The following GAS2 variants were observed in gnomAD, a reference collection of about 807,000 sequenced individuals.
GAS2 encodes the protein growth arrest-specific protein 2.
Under a neutral mutation model 37.5 loss-of-function variants are expected in GAS2, and 20 were observed. The observed-to-expected ratio is 0.53, with a 90% CI of 0.37 to 0.77. The LOEUF is 0.77. GAS2 is among the 30% of genes least tolerant of loss of function. The probability of loss-of-function intolerance (pLI) is 0.00; values close to 1 mark genes in which losing one functional copy is unlikely to be tolerated. For synonymous variants in GAS2, 144 were observed against 132.2 expected, an observed-to-expected ratio of 1.09 and a Z score of -0.61; for missense variants, 336 against 373.4, an observed-to-expected ratio of 0.90 and a Z score of 0.82.
At chr11:22,642,531 A>G (rs149465432) in intron 1 of GAS2, among the ~76,000 whole-genome samples, 1 of 152,034 alleles carries the variant, frequency 6.6e-6, no homozygotes, top group Non-Finnish European at 1.5e-5. Flanking sequence ...CATTCCTCAC[A>G]CTCTTTAAGG....
At chr11:22,692,881 A>G (rs867974797) in intron 3 of GAS2, among the ~76,000 whole-genome samples, 1 of 152,156 alleles carries the variant, frequency 6.6e-6, no homozygotes, top group Non-Finnish European at 1.5e-5. Context: ...TTCAGTCTCC[A>G]TCAGACAACA....
At chr11:22,712,551 C>T (rs555905287) in intron 3 of GAS2, among the ~76,000 whole-genome samples, 1 of 152,272 alleles carries the variant, frequency 6.6e-6, no homozygotes, top group South Asian at 2.1e-4. Flanking sequence ...ATCTGAACAG[C>T]AGCGCTTGAG....
chr11:22,745,118 C>CAAAAAAA (rs142582542), intron 5 of GAS2, among the ~76,000 whole-genome samples: 9 of 128,876 alleles, frequency 7.0e-5, no homozygotes, highest in East Asian at 2.2e-4. Flanking sequence ...CATTTGGAAC[C>CAAAAAAA]AAAAAAAAAA....
chr11:22,702,183 T>A (rs1850876334), intron 3 of GAS2: 1 of 152,220 alleles, frequency 6.6e-6, no homozygotes, highest in African/African-American at 2.4e-5. Flanking sequence ...CATTATCATT[T>A]TCTTTGCTCT....
At chr11:22,790,088 C>A (rs999527419) in intron 7 of GAS2, among the ~76,000 whole-genome samples, 6 of 152,160 alleles carry the variant, frequency 3.9e-5, no homozygotes, top group Non-Finnish European at 5.9e-5. Context: ...ACCTACCTAA[C>A]ACATGTTACA....
chr11:22,775,813 T>C (rs1417122590), intron 7 of GAS2, among the ~76,000 whole-genome samples: 13 of 152,208 alleles, frequency 8.5e-5, no homozygotes. Context: ...ATTCAGATTC[T>C]CAGTTCCAGG....
At chr11:22,794,981 C>T (rs955445802) in intron 7 of GAS2, among the ~76,000 whole-genome samples, 1 of 152,052 alleles carries the variant, frequency 6.6e-6, no homozygotes, top group African/African-American at 2.4e-5. Context: ...ATTCATTCAT[C>T]CAACATATAT....
At chr11:22,768,962 A>T (rs72973103) in intron 7 of GAS2, among the ~76,000 whole-genome samples, 3,818 of 152,340 alleles carry the variant, frequency 0.025, 82 homozygotes, top group Non-Finnish European at 0.039. Context: ...TCTACCAATG[A>T]TAACATTCAT....
At position 22,812,402 on chromosome 11, in the gene GAS2, AT is replaced by A; in HGVS notation, c.*391del. ...ACTCATGAGTAAAAGCACTCCAGAC[AT>A]TTTTATAATTGCAAGATTTTTATGC... On this transcript the variant is annotated 3_prime_UTR_variant, in exon 8 of 8. Transcript: ENST00000454584. 6.7e-6 allele frequency: 1 copy of A among 148,800 alleles called. No homozygotes were observed. The highest frequency in any genetic ancestry group is 2.0e-4 in the East Asian group (1 of 5,064). 9.2% of individuals were successfully genotyped at this position (148,800 alleles called of 1,614,324 possible).
chr11:22,787,815 T>C (rs1453604991), intron 7 of GAS2, among the ~76,000 whole-genome samples: 1 of 152,192 alleles, frequency 6.6e-6, no homozygotes, highest in Non-Finnish European at 1.5e-5. Flanking sequence ...TTTCTTTCAA[T>C]GTCAGGTATT....
intron 1 of GAS2, among the ~76,000 whole-genome samples, chr11:22,633,689 T>A (rs1239223493): frequency 1.3e-5 from 2 of 152,080 alleles, no homozygotes; most frequent in Non-Finnish European, 2.9e-5. Flanking sequence ...CTAAGGTCTT[T>A]TCAGGGTGAA....
chr11:22,708,288 T>G (rs1291924866), intron 3 of GAS2, among the ~76,000 whole-genome samples: 1 of 152,138 alleles, frequency 6.6e-6, no homozygotes, highest in Non-Finnish European at 1.5e-5. Context: ...TGTGTTTATG[T>G]TTTTTAGTGA....
At chr11:22,680,707 CT>C (rs941585691) in intron 2 of GAS2, among the ~76,000 whole-genome samples, 1 of 151,538 alleles carries the variant, frequency 6.6e-6, no homozygotes, top group Non-Finnish European at 1.5e-5. Flanking sequence ...CAATCCCAAG[CT>C]TTTTTTTTCC....
In GAS2 at chr11:22,726,308, A is replaced by G. The variant is rs893804810; in HGVS notation, c.284A>G (p.Lys95Arg). 2.5e-6 allele frequency: 4 copies of G among 1,603,542 alleles called. No individual in the cohort carries two copies. The highest frequency in any genetic ancestry group is 2.5e-6 in the Non-Finnish European group (3 of 1,177,462). Residue 95 changes from lysine to arginine, a missense_variant, in exon 4 of 8, where the codon AAG (lysine) becomes AGG (arginine). Physicochemically the swap from Lys to Arg is conservative, Grantham distance 26. Coordinates refer to ENST00000454584, the MANE Select transcript of GAS2 (RefSeq NM_001143830.3). ...ATTTTTCAGAATCTACCGTTGAAGA[A>G]GATCCCATGCAAAACCAGTGCACCC... ...NKPTKNLPLKKIPCKTSAPSG... is the reference protein window; with the variant it reads ...NKPTKNLPLKRIPCKTSAPSG...
At chr11:22,698,661 C>A (rs1216803520) in intron 3 of GAS2, among the ~76,000 whole-genome samples, 1 of 151,150 alleles carries the variant, frequency 6.6e-6, no homozygotes, top group African/African-American at 2.4e-5. Flanking sequence ...CATCCAAAAG[C>A]TTATCCACCA....
At chr11:22,734,253 C>T in intron 4 of GAS2, among the ~76,000 whole-genome samples, 1 of 151,666 alleles carries the variant, frequency 6.6e-6, no homozygotes, top group Non-Finnish European at 1.5e-5. Context: ...CAAAAACTGA[C>T]ATATGTCCTA....
chr11:22,634,313 C>T (rs1455784652), intron 1 of GAS2, among the ~76,000 whole-genome samples: 1 of 152,114 alleles, frequency 6.6e-6, no homozygotes, highest in Non-Finnish European at 1.5e-5. Context: ...CCTCCCACAA[C>T]ATGTGGGAAT....
chr11:22,711,879 C>T (rs1851421561), intron 3 of GAS2, among the ~76,000 whole-genome samples: 1 of 152,132 alleles, frequency 6.6e-6, no homozygotes, highest in South Asian at 2.1e-4. Flanking sequence ...CAGCTCAAAC[C>T]CACCTAACCC....
At chr11:22,751,360 A>T (rs1043340403) in intron 6 of GAS2, among the ~76,000 whole-genome samples, 2 of 152,006 alleles carry the variant, frequency 1.3e-5, no homozygotes, top group African/African-American at 4.8e-5. Flanking sequence ...CATCCCAGGT[A>T]TAACTGGCAA....
Sources: gnomAD v4.1 joint callset for allele counts (sites outside exome capture counted in the v4.1 genomes callset) on GRCh38, gnomAD v4.1.1 for gene constraint, MANE v1.5 for transcripts, NCBI Gene and HGNC (gene_info 2026-07-23, HGNC 2026-07-21) for gene names.